GOLIM4: variants seen among roughly 807,000 people sequenced by gnomAD.
GOLIM4 encodes the protein 130 kDa golgi-localized phosphoprotein.
Under a neutral mutation model 107.4 loss-of-function variants are expected in GOLIM4, and 71 were observed. That is an observed-to-expected ratio of 0.66 (90% CI 0.55 to 0.81). GOLIM4 has a LOEUF of 0.81. Ranked by LOEUF, GOLIM4 falls within the 30% of genes least tolerant of loss-of-function variation. The pLI is 0.00. For synonymous variants in GOLIM4, 327 were observed against 294.8 expected, an observed-to-expected ratio of 1.11 and a Z score of -1.12; for missense variants, 830 against 826.1, an observed-to-expected ratio of 1.00 and a Z score of -0.06.
intron 1 of GOLIM4, among the ~76,000 whole-genome samples, chr3:168,073,017 AT>A (rs1720911602): frequency 3.3e-5 from 5 of 152,196 alleles, no homozygotes; most frequent in Admixed American, 3.3e-4. Flanking sequence ...AGGCTTCCTA[AT>A]TTTTTTGTTG....
At chr3:168,040,591 C>A (rs1718929483) in intron 7 of GOLIM4, among the ~76,000 whole-genome samples, 195 bp downstream of exon 7, 1 of 152,122 alleles carries the variant, frequency 6.6e-6, no homozygotes, top group African/African-American at 2.4e-5. Flanking sequence ...TACCGCACAA[C>A]CAGTGCAAAA....
At chr3:168,083,233 T>A (rs1721462111) in intron 1 of GOLIM4, among the ~76,000 whole-genome samples, 1 of 152,200 alleles carries the variant, frequency 6.6e-6, no homozygotes, top group South Asian at 2.1e-4. Context: ...CAGTTACAAT[T>A]AATGCTTTCT....
chr3:168,065,241 T>C (rs1720490167), intron 1 of GOLIM4, among the ~76,000 whole-genome samples: 1 of 152,136 alleles, frequency 6.6e-6, no homozygotes, highest in Admixed American at 6.5e-5. Context: ...AGGAGAAGAG[T>C]AGTGGCATCA....
At chr3:168,038,091 C>A (rs1310730111) in intron 7 of GOLIM4, among the ~76,000 whole-genome samples, 1 of 152,198 alleles carries the variant, frequency 6.6e-6, no homozygotes, top group Non-Finnish European at 1.5e-5. Flanking sequence ...TTCTAGTGTA[C>A]ACTAGGGTAA....
intron 14 of GOLIM4, among the ~76,000 whole-genome samples, chr3:168,024,098 T>A (rs765817690): frequency 6.6e-6 from 1 of 152,168 alleles, no homozygotes; most frequent in Non-Finnish European, 1.5e-5. Flanking sequence ...TTGGAGGGTG[T>A]TAAGTGGATT....
At chr3:168,060,513 G>A (rs773775340) in intron 1 of GOLIM4, among the ~76,000 whole-genome samples, 1 of 152,186 alleles carries the variant, frequency 6.6e-6, no homozygotes, top group Non-Finnish European at 1.5e-5. Context: ...ATTATAGAGT[G>A]ATGTGCTCAG....
intron 1 of GOLIM4, among the ~76,000 whole-genome samples, chr3:168,061,743 G>A (rs1235389599): frequency 6.6e-6 from 1 of 152,308 alleles, no homozygotes; most frequent in East Asian, 1.9e-4. Context: ...ACAGGCACGA[G>A]TGAAACTAAT....
chr3:168,095,371 T>C lies in GOLIM4; in HGVS notation c.-86A>G. 1 of 1,152,446 alleles carries C rather than the reference T, an allele frequency of 8.7e-7. No individual in the cohort carries two copies. Among genetic ancestry groups the C allele is most frequent in the South Asian group, 1.4e-5 (1 of 73,514 alleles). The allele number at this position is 1,152,446 out of a possible 1,614,324, so 71.4% of individuals were successfully genotyped here. A position where few individuals can be genotyped will look rare whatever the true frequency, so the allele number is the denominator to read the frequency against. On this transcript the variant is annotated 5_prime_UTR_variant, in exon 1 of 16. Coordinates refer to ENST00000470487, the MANE Select transcript of GOLIM4 (RefSeq NM_014498.5). ...AGCGTCTCAGCAGCGGCCGCCGCAG[T>C]AGGTGGCCAGACGCAGCATGAGGAG...
Position 168,015,669 on chromosome 3 carries a change from CATGGTACTGG to C in GOLIM4, c.1861-4856_1861-4847del, listed in dbSNP as rs1717322774. Among the ~76,000 whole-genome samples the C allele has an allele frequency of 1.5e-4, 21 of 136,458 alleles. No homozygotes were observed. The South Asian group carries it at 4.4e-3, about 29-fold the overall frequency. The allele number at this position is 136,458 out of a possible 152,430, so 89.5% of individuals were successfully genotyped here. A position where few individuals can be genotyped will look rare whatever the true frequency, so the allele number is the denominator to read the frequency against. ...TACAAGGCTACAGTAACCAAAACAGCATGGTACTGGTACCAAAAGAGAGATATAGATCAAT... is the reference window on the plus strand; with the variant it reads ...TACAAGGCTACAGTAACCAAAACAGCTACCAAAAGAGAGATATAGATCAAT... On this transcript the variant is annotated intron_variant, in intron 14 of 15. Transcript: ENST00000470487.
chr3:168,013,242 A>C (rs1717162646), intron 14 of GOLIM4, among the ~76,000 whole-genome samples: 1 of 151,638 alleles, frequency 6.6e-6, no homozygotes. Flanking sequence ...TTGCAATCCG[A>C]GTCTCTGATA....
In GOLIM4 at chr3:168,095,418, G is replaced by A; in HGVS notation, c.-133C>T. The A allele has an allele frequency of 2.9e-6, 2 of 685,836 alleles. No individual in the cohort carries two copies. Among genetic ancestry groups the A allele is most frequent in the Middle Eastern group, 4.1e-4 (1 of 2,432 alleles). The allele number at this position is 685,836 out of a possible 1,614,324, so 42.5% of individuals were successfully genotyped here. On this transcript the variant is annotated 5_prime_UTR_variant, in exon 1 of 16. Transcript: ENST00000470487. ...GGAGGAGATGCCAGACACAAAAGCCGGCCCGGAGGGGAAGTGGCGCCCGCT... is the reference window on the plus strand; with the variant it reads ...GGAGGAGATGCCAGACACAAAAGCCAGCCCGGAGGGGAAGTGGCGCCCGCT...
chr3:168,032,982 G>T, intron 8 of GOLIM4, 130 bp from the exon 9 acceptor site: 1 of 679,648 alleles, frequency 1.5e-6, no homozygotes, highest in South Asian at 2.0e-5. Context: ...ATATAGTCCT[G>T]GCTTTATGGC....
intron 4 of GOLIM4, 36 bp downstream of exon 4, chr3:168,044,792 T>A: frequency 8.2e-7 from 1 of 1,223,012 alleles, no homozygotes. Flanking sequence ...GTTAATCCTT[T>A]CTTTTATTCA....
intron 1 of GOLIM4, among the ~76,000 whole-genome samples, chr3:168,074,851 A>AT (rs1720994331): frequency 6.6e-6 from 1 of 152,234 alleles, no homozygotes; most frequent in Non-Finnish European, 1.5e-5. Context: ...GGCCCACATC[A>AT]TGCCAATAGG....
intron 12 of GOLIM4, 145 bp from the exon 13 acceptor site, chr3:168,025,240 C>G: frequency 1.6e-6 from 1 of 644,138 alleles, no homozygotes; most frequent in Non-Finnish European, 2.6e-6. Context: ...TCACAAGAAT[C>G]AAGCATCACA....
intron 1 of GOLIM4, among the ~76,000 whole-genome samples, chr3:168,087,351 T>C (rs190605128): frequency 6.6e-6 from 1 of 152,286 alleles, no homozygotes; most frequent in Admixed American, 6.5e-5. Flanking sequence ...CTATTCTCTT[T>C]GGAAAAACAG....
intron 1 of GOLIM4, among the ~76,000 whole-genome samples, chr3:168,065,527 T>C (rs547886844): frequency 6.6e-6 from 1 of 152,312 alleles, no homozygotes; most frequent in East Asian, 1.9e-4. Flanking sequence ...GCGAACACAT[T>C]ATCCTTTTCT....
chr3:168,015,315 C>G (rs1460699404), intron 14 of GOLIM4, among the ~76,000 whole-genome samples: 8 of 148,234 alleles, frequency 5.4e-5, no homozygotes, highest in Non-Finnish European at 1.0e-4. Context: ...ATAAAATACC[C>G]AGGAATCCAA....
intron 1 of GOLIM4, among the ~76,000 whole-genome samples, chr3:168,076,272 G>C (rs534260247): frequency 1.3e-5 from 2 of 152,328 alleles, no homozygotes; most frequent in South Asian, 4.1e-4. Flanking sequence ...CATTACATAT[G>C]TTCACCAGAA....
Sources: allele counts gnomAD v4.1 joint callset (sites outside exome capture counted in the v4.1 genomes callset), GRCh38; gene constraint gnomAD v4.1.1; transcripts MANE v1.5; gene names NCBI Gene and HGNC (gene_info 2026-07-23, HGNC 2026-07-21).